ADAMTS9: variants seen among roughly 807,000 people sequenced by gnomAD.
ADAMTS9 encodes the protein ADAM metallopeptidase with thrombospondin type 1 motif 9.
A neutral mutation model predicts 257.1 loss-of-function variants in ADAMTS9; 107 were observed. That is an observed-to-expected ratio of 0.42 (90% CI 0.36 to 0.49). The LOEUF (loss-of-function observed/expected upper bound fraction) is 0.49. Ranked by LOEUF, ADAMTS9 falls within the 20% of genes least tolerant of loss-of-function variation. ADAMTS9 has a pLI of 0.03. For missense variants in ADAMTS9, 2,353 were observed against 2,469.1 expected, an observed-to-expected ratio of 0.95 and a Z score of 1.00; for synonymous variants, 982 against 880.9, an observed-to-expected ratio of 1.11 and a Z score of -2.03.
intron 3 of ADAMTS9, among the ~76,000 whole-genome samples, chr3:64,669,793 G>C (rs964051047): frequency 6.6e-6 from 1 of 152,056 alleles, no homozygotes; most frequent in African/African-American, 2.4e-5. Flanking sequence ...ATTATATTAA[G>C]GGGAGTACAG....
intron 2 of ADAMTS9, among the ~76,000 whole-genome samples, chr3:64,682,998 T>C (rs1701796965): frequency 6.6e-6 from 1 of 152,232 alleles, no homozygotes; most frequent in Admixed American, 6.5e-5. Flanking sequence ...TTAAAAGCTC[T>C]CCACATGATT....
chr3:64,517,415 G>GTTTTTTT lies in ADAMTS9; in HGVS notation c.*6-295_*6-294insAAAAAAA, dbSNP rs1242670245. Among the ~76,000 whole-genome samples, 37 of 11,564 alleles carry GTTTTTTT rather than the reference G, an allele frequency of 3.2e-3. 2 individuals carry two copies. The highest frequency in any genetic ancestry group is 5.2e-3 in the African/African-American group (36 of 6,930). 7.6% of individuals were successfully genotyped at this position (11,564 alleles called of 152,430 possible). The stretch of plus-strand genomic sequence containing the variant: ...CCATCAAGCCCAGCTAATTAAAAAT[G>GTTTTTTT]GTTTTTTTTTTTTTTTTTTTTTTTG... On this transcript the variant is annotated intron_variant, in intron 39 of 39. Transcript: ENST00000498707.
intron 28 of ADAMTS9, among the ~76,000 whole-genome samples, chr3:64,570,682 C>CA (rs1223517842): frequency 1.1e-5 from 1 of 93,078 alleles, no homozygotes; most frequent in Non-Finnish European, 1.9e-5. Context: ...GGCGAAAGAG[C>CA]AAGACTCCGT....
chr3:64,643,445 A>ATTTTTTTTTTTTTTTTTTTTT lies in ADAMTS9; in HGVS notation c.1711-1473_1711-1453dup, dbSNP rs57471985. Among the ~76,000 whole-genome samples the ATTTTTTTTTTTTTTTTTTTTT allele has an allele frequency of 3.1e-4, 19 of 61,416 alleles. 2 individuals are homozygous for ATTTTTTTTTTTTTTTTTTTTT. The highest frequency in any genetic ancestry group is 4.9e-4 in the African/African-American group (7 of 14,264). 40.3% of individuals were successfully genotyped at this position (61,416 alleles called of 152,430 possible). A position where few individuals can be genotyped will look rare whatever the true frequency, so the allele number is the denominator to read the frequency against. On this transcript the variant is annotated intron_variant, in intron 11 of 39. Transcript: ENST00000498707. Reference sequence around the variant, plus strand: ...GTAGTCAACATAACATTACTCAATAATTTTTTTTTTTTTTTTTTTTTTTTT... The same window carrying ATTTTTTTTTTTTTTTTTTTTT: ...GTAGTCAACATAACATTACTCAATAATTTTTTTTTTTTTTTTTTTTTTTTTTTTTTTTTTTTTTTTTTTTTT...
At chr3:64,521,591 A>G (rs926271351) in intron 39 of ADAMTS9, 4 of 152,374 alleles carry the variant, frequency 2.6e-5, no homozygotes, top group Non-Finnish European at 5.9e-5. Flanking sequence ...TGTATACATG[A>G]TGAAATACTA....
rs1288499094 is a variant in ADAMTS9 at position 64,568,361 on chromosome 3, T to G, written c.4524+7A>C. 1 of 1,607,326 alleles carries G rather than the reference T, an allele frequency of 6.2e-7. No homozygotes were observed. The highest frequency in any genetic ancestry group is 1.3e-5 in the African/African-American group (1 of 74,300). On this transcript the variant is annotated splice_region_variant and intron_variant, in intron 29 of 39. Transcript: ENST00000498707. ...GAAGCAGTCAGTAGAGGAGAAGCATTGCTCACCTGACTCCAAGCGCCAGCT... is the reference window on the plus strand; with the variant it reads ...GAAGCAGTCAGTAGAGGAGAAGCATGGCTCACCTGACTCCAAGCGCCAGCT...
At position 64,655,603 on chromosome 3, in the gene ADAMTS9, T is replaced by C. The variant is rs1224803089; in HGVS notation, c.1142A>G (p.His381Arg). 3.1e-6 allele frequency: 5 copies of C among 1,614,096 alleles called. No individual in the cohort carries two copies. Among genetic ancestry groups the C allele is most frequent in the African/African-American group, 1.3e-5 (1 of 75,056 alleles). The stretch of plus-strand genomic sequence containing the variant: ...TGTTAAGAGAACAGCAGTATCATGA[T>C]GGATTCCACCTGGACTGTTCTTCGA... ...QHSKNSPGGI[H>R]HDTAVLLTRQ... is the part of the protein sequence containing the mutation. The change falls in exon 6 of 40, where the codon CAT becomes CGT. Residue 381 changes from histidine to arginine, a missense_variant. Around this residue, in one of 3 missense-constraint regions of ADAMTS9, gnomAD observed 591 missense variants for 569.6 expected, o/e 1.04. Coordinates refer to ENST00000498707, the MANE Select transcript of ADAMTS9 (RefSeq NM_182920.2).
At chr3:64,545,480 C>T (rs2083184944) in intron 32 of ADAMTS9, among the ~76,000 whole-genome samples, 1 of 152,014 alleles carries the variant, frequency 6.6e-6, no homozygotes, top group African/African-American at 2.4e-5. Flanking sequence ...AAACTGGGAA[C>T]CATCATTCTC....
At chr3:64,579,091 T>C (rs1045055426) in intron 28 of ADAMTS9, among the ~76,000 whole-genome samples, 4 of 152,148 alleles carry the variant, frequency 2.6e-5, no homozygotes, top group African/African-American at 4.8e-5. Context: ...CTCCGTCCAA[T>C]AGGCTAACCC....
At chr3:64,533,759 C>T (rs1485462017) in intron 37 of ADAMTS9, among the ~76,000 whole-genome samples, 1 of 152,172 alleles carries the variant, frequency 6.6e-6, no homozygotes, top group Non-Finnish European at 1.5e-5. Context: ...CACAGCAGGG[C>T]GGGACTTCAA....
chr3:64,552,515 G>A (rs1247505180), intron 30 of ADAMTS9, among the ~76,000 whole-genome samples: 1 of 151,932 alleles, frequency 6.6e-6, no homozygotes, highest in Non-Finnish European at 1.5e-5. Context: ...TTGGCAACGG[G>A]CTTATCTAAC....
At chr3:64,554,355 C>T (rs1178800358) in intron 30 of ADAMTS9, among the ~76,000 whole-genome samples, 1 of 152,204 alleles carries the variant, frequency 6.6e-6, no homozygotes, top group Non-Finnish European at 1.5e-5. Context: ...CCCAGTGTTT[C>T]CTAAATTAGT....
intron 23 of ADAMTS9, among the ~76,000 whole-genome samples, chr3:64,606,352 T>C (rs2084555824): frequency 6.6e-6 from 1 of 152,130 alleles, no homozygotes; most frequent in Non-Finnish European, 1.5e-5. Flanking sequence ...TCATGGCCAT[T>C]TTCAAGCTAT....
chr3:64,664,437 C>G (rs541536594), intron 3 of ADAMTS9, among the ~76,000 whole-genome samples: 1 of 152,270 alleles, frequency 6.6e-6, no homozygotes, highest in African/African-American at 2.4e-5. Flanking sequence ...ATTCCATTCT[C>G]CCCTTTCCTC....
intron 38 of ADAMTS9, among the ~76,000 whole-genome samples, chr3:64,527,024 T>C (rs2082918845): frequency 6.6e-6 from 1 of 152,202 alleles, no homozygotes; most frequent in East Asian, 1.9e-4. Context: ...GGGATTCCAT[T>C]ATTTAATTTA....
At chr3:64,616,487 T>C (rs965477329) in intron 19 of ADAMTS9, among the ~76,000 whole-genome samples, 3 of 151,996 alleles carry the variant, frequency 2.0e-5, no homozygotes, top group Non-Finnish European at 4.4e-5. Context: ...TTAAAACCTG[T>C]GTACATTATT....
Position 64,609,740 on chromosome 3 carries a change from C to G in ADAMTS9, c.3355-2661G>C, listed in dbSNP as rs926526838. Among the ~76,000 whole-genome samples the G allele has an allele frequency of 1.6e-4, 24 of 152,252 alleles. 1 individual carries two copies. Among genetic ancestry groups the G allele is most frequent in the African/African-American group, 4.3e-4 (18 of 41,568 alleles). On this transcript the variant is annotated intron_variant, in intron 22 of 39. Coordinates refer to ENST00000498707, the MANE Select transcript of ADAMTS9 (RefSeq NM_182920.2). ...CCCACAGATTCAGTGAAATCCCAAT[C>G]AAAATCCTAATAGCATTTTTGCAGA...
Position 64,687,478 on chromosome 3 carries a change from C to T in ADAMTS9, c.115+65G>A. On this transcript the variant is annotated intron_variant, in intron 1 of 39. Transcript: ENST00000498707. This position sits in a 1 kb window ranked among gnomAD's most constrained non-coding sequence, Gnocchi z 4.4. Reference sequence around the variant, plus strand: ...AGCCTCCGCTGCGGGGTGCCCCTGCCCAGGAGCGAGGACCGGGAGGCGGCG... The same window carrying T: ...AGCCTCCGCTGCGGGGTGCCCCTGCTCAGGAGCGAGGACCGGGAGGCGGCG... The T allele has an allele frequency of 7.5e-7, 1 of 1,339,052 alleles. No individual in the cohort carries two copies. Among genetic ancestry groups the T allele is most frequent in the East Asian group, 2.8e-5 (1 of 36,190 alleles). The allele number at this position is 1,339,052 out of a possible 1,614,324, so 82.9% of individuals were successfully genotyped here.
intron 28 of ADAMTS9, among the ~76,000 whole-genome samples, chr3:64,585,461 C>T (rs2084124002): frequency 6.6e-6 from 1 of 152,150 alleles, no homozygotes; most frequent in Admixed American, 6.5e-5. Flanking sequence ...AAGAAGAGTT[C>T]AGCTCCTATA....
Sources: allele counts gnomAD v4.1 joint callset (sites outside exome capture counted in the v4.1 genomes callset), GRCh38; gene constraint gnomAD v4.1.1; regional missense constraint gnomAD v4.1.1; non-coding constraint Gnocchi (gnomAD v3.1); transcripts MANE v1.5; gene names NCBI Gene and HGNC (gene_info 2026-07-23, HGNC 2026-07-21).